Variants in EYA2 observed in about 807,000 individuals in gnomAD.
EYA2 encodes the protein EYA transcriptional coactivator and phosphatase 2.
EYA2 carries 31 observed loss-of-function variants against 69.2 expected under a neutral mutation model. That is an observed-to-expected ratio of 0.45 (90% CI 0.34 to 0.60). The LOEUF is 0.60. EYA2 is among the 20% of genes least tolerant of loss of function. The pLI is 0.02. For synonymous variants in EYA2, 257 were observed against 279.4 expected (o/e 0.92, Z 0.80); for missense variants, 622 against 701.2 (o/e 0.89, Z 1.28).
intron 2 of EYA2, among the ~76,000 whole-genome samples, chr20:46,990,718 C>G (rs1371581183): frequency 6.6e-6 from 1 of 152,244 alleles, no homozygotes; most frequent in Non-Finnish European, 1.5e-5. Flanking sequence ...TTGGAGTTAG[C>G]AAAAGGCATT....
intron 5 of EYA2, among the ~76,000 whole-genome samples, chr20:47,044,496 G>A (rs564827244): frequency 3.9e-5 from 6 of 152,218 alleles, no homozygotes; most frequent in African/African-American, 1.4e-4. Flanking sequence ...CGCTATGAAT[G>A]AGGAACAAAG....
At chr20:47,009,358 G>A (rs1656086692) in intron 4 of EYA2, among the ~76,000 whole-genome samples, 1 of 152,120 alleles carries the variant, frequency 6.6e-6, no homozygotes, top group African/African-American at 2.4e-5. Context: ...ATTGCTCCTT[G>A]GCAAATAGTG....
At chr20:47,168,935 G>A (rs1377819627) in intron 10 of EYA2, among the ~76,000 whole-genome samples, 1 of 152,096 alleles carries the variant, frequency 6.6e-6, no homozygotes, top group African/African-American at 2.4e-5. Flanking sequence ...TCATTTATAA[G>A]GAAACCAAAC....
At chr20:47,153,657 GA>G (rs921569264) in intron 10 of EYA2, among the ~76,000 whole-genome samples, 7 of 147,180 alleles carry the variant, frequency 4.8e-5, no homozygotes, top group African/African-American at 7.5e-5. Flanking sequence ...GAATATCTCA[GA>G]AAAAAAAAAG....
rs566343448 is a variant in EYA2 at position 47,029,150 on chromosome 20, C to T, written c.415+12853C>T. Reference sequence around the variant, plus strand: ...ATGTGAAGGCAGGGGACTCTGAGCTCAGAAGGGGAAGAAATGGGGGTTAGC... The same window carrying T: ...ATGTGAAGGCAGGGGACTCTGAGCTTAGAAGGGGAAGAAATGGGGGTTAGC... On this transcript the variant is annotated intron_variant, in intron 5 of 15. Coordinates refer to ENST00000327619, the MANE Select transcript of EYA2 (RefSeq NM_005244.5). 2.0e-5 allele frequency among the ~76,000 whole-genome samples: 3 copies of T among 152,182 alleles called. No homozygotes were observed. The South Asian group carries it at 6.2e-4, about 32-fold the overall frequency.
At chr20:47,117,506 C>T (rs1351297188) in intron 9 of EYA2, 3 of 985,332 alleles carry the variant, frequency 3.0e-6, no homozygotes, top group African/African-American at 1.7e-5. Context: ...TCCCCGATTC[C>T]TCCGCGGGTG....
intron 1 of EYA2, among the ~76,000 whole-genome samples, chr20:46,968,218 C>T (rs1979910955): frequency 6.6e-6 from 1 of 152,188 alleles, no homozygotes; most frequent in Admixed American, 6.5e-5. Flanking sequence ...CATCTAGGGC[C>T]CTGATCTTGT....
At chr20:47,132,770 C>T (rs1049795239) in intron 9 of EYA2, among the ~76,000 whole-genome samples, 4 of 152,212 alleles carry the variant, frequency 2.6e-5, no homozygotes, top group African/African-American at 9.6e-5. Context: ...TTAGGCAATG[C>T]TTGTATAAGG....
chr20:47,048,742 AAATAAAT>A (rs2146430228), intron 5 of EYA2, among the ~76,000 whole-genome samples: 1 of 152,352 alleles, frequency 6.6e-6, no homozygotes, highest in Non-Finnish European at 1.5e-5. Context: ...TGTCTCAAGA[AAATAAAT>A]AATAAAATAC....
chr20:47,052,352 C>T (rs1463820256), intron 5 of EYA2, among the ~76,000 whole-genome samples: 2 of 152,126 alleles, frequency 1.3e-5, no homozygotes, highest in Non-Finnish European at 2.9e-5. Flanking sequence ...GGAGGAGAAG[C>T]CAGCATGGGA....
At chr20:47,090,356 C>T (rs2032043671) in intron 8 of EYA2, among the ~76,000 whole-genome samples, 1 of 151,782 alleles carries the variant, frequency 6.6e-6, no homozygotes, top group African/African-American at 2.4e-5. Flanking sequence ...TCTCTTGCCT[C>T]GGCCTCCTGA....
chr20:47,059,298 G>A (rs1197554522), intron 5 of EYA2, among the ~76,000 whole-genome samples: 4 of 152,132 alleles, frequency 2.6e-5, no homozygotes, highest in South Asian at 4.1e-4. Flanking sequence ...CTACAGGCTC[G>A]AGGGGCCAGA....
At chr20:46,933,505 A>G (rs1165443212) in intron 1 of EYA2, among the ~76,000 whole-genome samples, 1 of 152,216 alleles carries the variant, frequency 6.6e-6, no homozygotes, top group Non-Finnish European at 1.5e-5. Context: ...TCCTAGTCCC[A>G]CAGGGTGACC....
At chr20:46,948,525 G>A (rs1191715865) in intron 1 of EYA2, among the ~76,000 whole-genome samples, 2 of 152,106 alleles carry the variant, frequency 1.3e-5, no homozygotes, top group African/African-American at 4.8e-5. Context: ...TAAGATGAGG[G>A]ACTAATATTT....
chr20:46,990,660 C>T (rs1050201414), intron 2 of EYA2, among the ~76,000 whole-genome samples: 19 of 152,288 alleles, frequency 1.2e-4, no homozygotes, highest in African/African-American at 4.3e-4. Flanking sequence ...AGAACAATTC[C>T]AGCTATTGTT....
At chr20:47,075,531 G>A (rs1218958690) in intron 7 of EYA2, among the ~76,000 whole-genome samples, 1 of 152,082 alleles carries the variant, frequency 6.6e-6, no homozygotes, top group Admixed American at 6.5e-5. Context: ...TGTGTACACA[G>A]CCTGGCTGTG....
intron 5 of EYA2, among the ~76,000 whole-genome samples, chr20:47,041,877 TA>T (rs1985091114): frequency 2.0e-5 from 3 of 152,190 alleles, no homozygotes; most frequent in African/African-American, 7.2e-5. Flanking sequence ...GGTTCAAAAG[TA>T]AATTCATTTT....
At chr20:47,046,507 C>G (rs999873988) in intron 5 of EYA2, among the ~76,000 whole-genome samples, 12 of 152,188 alleles carry the variant, frequency 7.9e-5, no homozygotes, top group Admixed American at 4.6e-4. Context: ...CTGTGGGCTG[C>G]CCACCAGAAT....
At chr20:47,078,367 A>G (rs1387288872) in intron 7 of EYA2, among the ~76,000 whole-genome samples, 1 of 151,582 alleles carries the variant, frequency 6.6e-6, no homozygotes, top group East Asian at 1.9e-4. Flanking sequence ...ACACACATTC[A>G]TGCACTCTTT....
Sources: gnomAD v4.1 joint callset for allele counts (sites outside exome capture counted in the v4.1 genomes callset) on GRCh38, gnomAD v4.1.1 for gene constraint, MANE v1.5 for transcripts, NCBI Gene and HGNC (gene_info 2026-07-23, HGNC 2026-07-21) for gene names.